The following SMG5 variants were observed in gnomAD, a reference collection of about 807,000 sequenced individuals.
SMG5 encodes the protein nonsense-mediated mRNA decay factor SMG5.
In SMG5, 53 loss-of-function variants were observed where a neutral mutation model predicts 122.9. The observed-to-expected ratio is 0.43, with a 90% CI of 0.35 to 0.54. SMG5 has a LOEUF of 0.54. Among genes scored for constraint, SMG5 ranks in the 20% least tolerant of loss-of-function variants. SMG5 has a pLI of 0.01. For synonymous variants in SMG5, 477 were observed against 490.2 expected (o/e 0.97, Z 0.35); for missense variants, 1,153 against 1,285.6 (o/e 0.90, Z 1.58).
upstream of SMG5, chr1:156,285,281 G>C (rs771245557): frequency 1.3e-6 from 2 of 1,570,440 alleles, no homozygotes; most frequent in Non-Finnish European, 1.7e-6. Flanking sequence ...TGATTCCCCA[G>C]AGAAGAGCTC....
At chr1:156,251,993 G>C in intron 19 of SMG5, among the ~76,000 whole-genome samples, 1 of 152,352 alleles carries the variant, frequency 6.6e-6, no homozygotes, top group Non-Finnish European at 1.5e-5. Flanking sequence ...GCTCAGCAGG[G>C]AGGTGGGAAG....
rs1377559007 is a variant in SMG5, at chr1:156,260,543, C to T, written c.2191G>A (p.Asp731Asn). The T allele has an allele frequency of 1.3e-6, 2 of 1,568,048 alleles. No homozygotes were observed. The highest frequency in any genetic ancestry group is 8.6e-7 in the Non-Finnish European group (1 of 1,163,346). ...GGGGGCAGGTTACGAAGAGCCATGT[C>T]CTCTGGGAGCAGAAGGCTAGAGGGG... is the stretch of plus-strand genomic sequence containing the variant. Reference protein sequence around the residue: ...DLPSSLLLPEDMALRNLPPLR... With the variant: ...DLPSSLLLPENMALRNLPPLR... The change falls in exon 15 of 22, where the codon GAC becomes AAC. Residue 731 changes from aspartate to asparagine, a missense_variant. By Grantham distance (23) the Asp-to-Asn change is conservative. This residue lies in a region of SMG5 where 631 missense variants were observed against 650.6 expected (regional missense o/e 0.97). Transcript: ENST00000361813.
At chr1:156,254,924 T>C (rs1444285711) in intron 16 of SMG5, among the ~76,000 whole-genome samples, 1 of 150,568 alleles carries the variant, frequency 6.6e-6, no homozygotes, top group Non-Finnish European at 1.5e-5. Context: ...ACCCCATCTC[T>C]ACTAAAAATA....
chr1:156,273,469 G>A lies in SMG5; in HGVS notation c.545-19C>T, dbSNP rs753465532. ...TATCGGGCTGCACAAGAGAGAAAACGAAGGGAAACTCGATGATTTTAAGTT... is the reference window on the plus strand; with the variant it reads ...TATCGGGCTGCACAAGAGAGAAAACAAAGGGAAACTCGATGATTTTAAGTT... On this transcript the variant is annotated intron_variant, in intron 5 of 21. Coordinates refer to ENST00000361813, the MANE Select transcript of SMG5 (RefSeq NM_015327.3). 11 of 1,610,104 alleles carry A rather than the reference G, an allele frequency of 6.8e-6. No individual in the cohort carries two copies. The African/African-American group carries it at 1.1e-4, about 16-fold the overall frequency.
In SMG5 at chr1:156,282,777, G is replaced by GCCA. The variant is rs201567192; in HGVS notation, c.-100_-98dup. The GCCA allele has an allele frequency of 1.8e-3, 2,436 of 1,327,998 alleles. 31 individuals are homozygous for GCCA. In the African/African-American group the frequency reaches 0.031, roughly 17 times the overall value. The allele number at this position is 1,327,998 out of a possible 1,614,324, so 82.3% of individuals were successfully genotyped here. ...TCCGGCCGTAGCCGCAGCCGCCGCC[G>GCCA]CCACCGGCCCTGCTCGGCCGCCATC... On this transcript the variant is annotated 5_prime_UTR_variant, in exon 1 of 22. Coordinates refer to ENST00000361813, the MANE Select transcript of SMG5 (RefSeq NM_015327.3).
intron 12 of SMG5, among the ~76,000 whole-genome samples, chr1:156,265,036 T>TACACACAC (rs35457785): frequency 0.18 from 22,271 of 122,580 alleles, 2,289 homozygotes; most frequent in South Asian, 0.24. Flanking sequence ...AAAAAAAAAA[T>TACACACAC]ACACACACAC....
rs753215615 is a variant in SMG5, at chr1:156,260,454, C to T, written c.2280G>A (p.Glu760=). The T allele has an allele frequency of 6.3e-7, 1 of 1,598,318 alleles. No individual in the cohort carries two copies. Among genetic ancestry groups the T allele is most frequent in the Non-Finnish European group, 8.5e-7 (1 of 1,174,480 alleles). The change falls in exon 15 of 22, where the codon GAG becomes GAA. Residue 760 remains glutamate (E), a synonymous_variant. Transcript: ENST00000361813. ...GCATAAGAAATGCTATCCTTACCTC[C>T]TCTAAGGTGCTGAGCAGGGGCCGAT... ...DTDRPLLSTL[E]ESVVRICCIR...
chr1:156,266,743 C>T, intron 10 of SMG5, 65 bp from the exon 11 acceptor site: 1 of 1,560,436 alleles, frequency 6.4e-7, no homozygotes. Context: ...ACCATCAATT[C>T]CAACCACATC....
chr1:156,285,709 C>T, upstream of SMG5: 1 of 1,613,386 alleles, frequency 6.2e-7, no homozygotes, highest in South Asian at 1.1e-5. Context: ...CCTTCATGCC[C>T]CCCCGGGTCA....
At chr1:156,270,489 A>G (rs1282722961) in intron 7 of SMG5, among the ~76,000 whole-genome samples, 2 of 152,236 alleles carry the variant, frequency 1.3e-5, no homozygotes, top group Admixed American at 6.5e-5. Flanking sequence ...CAATGCCACT[A>G]GGAGAAGGCG....
upstream of SMG5, chr1:156,285,125 C>T (rs1024733629): frequency 2.9e-5 from 41 of 1,429,586 alleles, no homozygotes; most frequent in South Asian, 5.9e-4. Context: ...GTTCTGTCAA[C>T]CTGTCCTAAT....
chr1:156,273,718 CTTTTTTTTT>C (rs748042052), intron 5 of SMG5, among the ~76,000 whole-genome samples: 4 of 116,312 alleles, frequency 3.4e-5, no homozygotes, highest in South Asian at 2.8e-4. Context: ...GTTTTGTTTT[CTTTTTTTTT>C]TTTTTTTTTT....
rs150178807 is a variant in SMG5 at position 156,256,751 on chromosome 1, C to T, written c.2442+2254G>A. Among the ~76,000 whole-genome samples, 642 of 152,186 alleles carry T rather than the reference C, an allele frequency of 4.2e-3. 7 individuals carry two copies. The highest frequency in any genetic ancestry group is 0.015 in the African/African-American group (605 of 41,526). On this transcript the variant is annotated intron_variant, in intron 16 of 21. Transcript: ENST00000361813. ...AGTCCCATCAGCAGGTACTACACCC[C>T]CCGCAACTCCTAGTGCCCACTTGGC... is the stretch of plus-strand genomic sequence containing the variant.
intron 10 of SMG5, 114 bp from the exon 11 acceptor site, chr1:156,266,792 T>A: frequency 1.1e-5 from 12 of 1,096,134 alleles, no homozygotes; most frequent in Non-Finnish European, 1.5e-5. Flanking sequence ...CAACTACTTA[T>A]CAAAGATTCT....
In SMG5 at chr1:156,263,220, G is replaced by T. The variant is rs576461247; in HGVS notation, c.2031+175C>A. The stretch of plus-strand genomic sequence containing the variant: ...TGGCCACAGGCTTTGTGAGGGCCAA[G>T]ATCATGCCTAATCCTTCCCTGTCAG... On this transcript the variant is annotated intron_variant, in intron 13 of 21. Transcript: ENST00000361813. Among the ~76,000 whole-genome samples, 3 of 152,370 alleles carry T rather than the reference G, an allele frequency of 2.0e-5. No homozygotes were observed. In the East Asian group the frequency reaches 5.8e-4, roughly 29 times the overall value.
chr1:156,252,557 A>T, intron 18 of SMG5, 53 bp from the exon 19 acceptor site: 1 of 1,575,236 alleles, frequency 6.3e-7, no homozygotes, highest in South Asian at 1.1e-5. Flanking sequence ...CTGCTGTGAC[A>T]AGGGGCTCTG....
intron 12 of SMG5, 57 bp from the exon 13 acceptor site, chr1:156,263,627 A>G (rs1661968636): frequency 1.3e-6 from 2 of 1,574,338 alleles, no homozygotes; most frequent in East Asian, 4.5e-5. Flanking sequence ...GACACTTGGG[A>G]ACAGGCCTCA....
At chr1:156,276,957 C>G in intron 4 of SMG5, 128 bp downstream of exon 4, 1 of 881,320 alleles carries the variant, frequency 1.1e-6, no homozygotes, top group Non-Finnish European at 1.7e-6. Context: ...CTTCATAAAC[C>G]ATTTGTATGT....
chr1:156,276,996 T>C, intron 4 of SMG5, 89 bp downstream of exon 4: 1 of 1,352,588 alleles, frequency 7.4e-7, no homozygotes, highest in Non-Finnish European at 1.0e-6. Flanking sequence ...TCTGCCTGGC[T>C]GGGTCGCAAG....
Sources: allele counts gnomAD v4.1 joint callset (sites outside exome capture counted in the v4.1 genomes callset), GRCh38; gene constraint gnomAD v4.1.1; regional missense constraint gnomAD v4.1.1; transcripts MANE v1.5; gene names NCBI Gene and HGNC (gene_info 2026-07-23, HGNC 2026-07-21).